FHOD3: variants seen among roughly 807,000 people sequenced by gnomAD.
FHOD3 encodes formin homology 2 domain containing 3, also known as FH1/FH2 domain-containing protein 3.
Under a neutral mutation model 173.0 loss-of-function variants are expected in FHOD3, and 90 were observed. That is an observed-to-expected ratio of 0.52 (90% CI 0.44 to 0.62). FHOD3 has a LOEUF of 0.62. Ranked by LOEUF, FHOD3 falls within the 20% of genes least tolerant of loss-of-function variation. The pLI, the probability that FHOD3 is intolerant of heterozygous loss-of-function variation, is 0.00. For missense variants in FHOD3, 1,945 were observed against 2,034.7 expected (o/e 0.96, Z 0.85); for synonymous variants, 828 against 823.0 (o/e 1.01, Z -0.10).
chr18:36,325,875 C>T (rs1312435984), intron 1 of FHOD3, among the ~76,000 whole-genome samples: 1 of 152,232 alleles, frequency 6.6e-6, no homozygotes, highest in Non-Finnish European at 1.5e-5. Context: ...ACCCAGTGGG[C>T]AGTGCAGAAG....
intron 3 of FHOD3, among the ~76,000 whole-genome samples, chr18:36,417,470 T>A (rs2049726902): frequency 6.6e-6 from 1 of 152,232 alleles, no homozygotes; most frequent in Non-Finnish European, 1.5e-5. Context: ...AGTCTATCAT[T>A]CATGGGCATT....
intron 9 of FHOD3, among the ~76,000 whole-genome samples, chr18:36,624,247 G>A (rs1234209103): frequency 6.6e-6 from 1 of 152,166 alleles, no homozygotes; most frequent in Non-Finnish European, 1.5e-5. Flanking sequence ...CTTTACACAA[G>A]TTACCTTTAC....
At chr18:36,767,320 CTG>C (rs1201223993) in intron 27 of FHOD3, among the ~76,000 whole-genome samples, 3 of 151,062 alleles carry the variant, frequency 2.0e-5, no homozygotes, top group African/African-American at 4.9e-5. Context: ...AAAAAAAAAA[CTG>C]TATCAGTAAT....
Position 36,730,503 on chromosome 18 carries a change from T to C in FHOD3, c.3418-143T>C, listed in dbSNP as rs549127225. 2.5e-3 allele frequency: 1,852 copies of C among 747,802 alleles called. 7 individuals carry two copies. Among genetic ancestry groups the C allele is most frequent in the Middle Eastern group, 7.4e-3 (21 of 2,834 alleles). 46.3% of individuals were successfully genotyped at this position (747,802 alleles called of 1,614,324 possible). A position where few individuals can be genotyped will look rare whatever the true frequency, so the allele number is the denominator to read the frequency against. On this transcript the variant is annotated intron_variant, in intron 19 of 28. Coordinates refer to ENST00000590592, the MANE Select transcript of FHOD3 (RefSeq NM_001281740.3). ...AACTAATCCCTGATACTTTCTGTGCTGAACAGTAGCCAGTCCTTCTCTGAG... is the reference window on the plus strand; with the variant it reads ...AACTAATCCCTGATACTTTCTGTGCCGAACAGTAGCCAGTCCTTCTCTGAG...
intron 9 of FHOD3, among the ~76,000 whole-genome samples, chr18:36,621,151 A>C (rs1283679165): frequency 3.9e-5 from 6 of 152,220 alleles, no homozygotes; most frequent in African/African-American, 1.4e-4. Flanking sequence ...AGAAAAGAAA[A>C]TATTTTGTCA....
intron 4 of FHOD3, among the ~76,000 whole-genome samples, chr18:36,505,821 T>A (rs2055270540): frequency 6.6e-6 from 1 of 152,208 alleles, no homozygotes; most frequent in African/African-American, 2.4e-5. Flanking sequence ...AGACAGCTCC[T>A]ATGGGAAATA....
chr18:36,655,542 A>C lies in FHOD3; in HGVS notation c.1721+2126A>C, dbSNP rs75923969. ...AAGGTTGACTTTGATTTAACTGAGC[A>C]AAGTTTGTAAACTTTTAAAATCACT... On this transcript the variant is annotated intron_variant, in intron 13 of 28. Coordinates refer to ENST00000590592, the MANE Select transcript of FHOD3 (RefSeq NM_001281740.3). Among the ~76,000 whole-genome samples, 79 of 152,354 alleles carry C rather than the reference A, an allele frequency of 5.2e-4. No individual in the cohort carries two copies. The East Asian group carries it at 0.014, about 26-fold the overall frequency.
intron 3 of FHOD3, among the ~76,000 whole-genome samples, chr18:36,406,936 G>A (rs1426051226): frequency 6.6e-6 from 1 of 152,210 alleles, no homozygotes. Flanking sequence ...TTGACCAGGT[G>A]CACCTGCTTC....
At chr18:36,553,484 C>T (rs1045033611) in intron 5 of FHOD3, among the ~76,000 whole-genome samples, 11 of 152,092 alleles carry the variant, frequency 7.2e-5, no homozygotes, top group African/African-American at 2.4e-4. Context: ...TTGATTATTG[C>T]CTCAATTTCA....
chr18:36,669,495 G>A (rs1484807588), intron 14 of FHOD3, among the ~76,000 whole-genome samples: 4 of 151,406 alleles, frequency 2.6e-5, no homozygotes, highest in Admixed American at 1.3e-4. Context: ...TTCCTTTTGG[G>A]GGGTTGCATA....
At chr18:36,669,390 T>A (rs2037388991) in intron 14 of FHOD3, among the ~76,000 whole-genome samples, 1 of 151,976 alleles carries the variant, frequency 6.6e-6, no homozygotes, top group South Asian at 2.1e-4. Flanking sequence ...AGTCTGATAA[T>A]CTCTACCTTT....
intron 3 of FHOD3, 80 bp downstream of exon 3, chr18:36,372,824 T>C (rs1029677615): frequency 1.6e-6 from 2 of 1,248,226 alleles, no homozygotes; most frequent in Non-Finnish European, 2.3e-6. Context: ...TTCACTGTTA[T>C]GCTGTCTGTT....
chr18:36,651,597 A>G (rs1160189144), intron 11 of FHOD3, among the ~76,000 whole-genome samples: 1 of 152,156 alleles, frequency 6.6e-6, no homozygotes, highest in Non-Finnish European at 1.5e-5. Context: ...TACTAAAAAT[A>G]CAAAATTAGC....
At chr18:36,460,074 T>G (rs1267361423) in intron 3 of FHOD3, among the ~76,000 whole-genome samples, 2 of 152,242 alleles carry the variant, frequency 1.3e-5, no homozygotes, top group Non-Finnish European at 2.9e-5. Flanking sequence ...AATGGGGTTA[T>G]ATGCTTTCTA....
chr18:36,325,202 T>G (rs1015335270), intron 1 of FHOD3, among the ~76,000 whole-genome samples: 1 of 151,642 alleles, frequency 6.6e-6, no homozygotes, highest in African/African-American at 2.4e-5. Flanking sequence ...GTGGTGGGGG[T>G]CTCTGGGTGC....
chr18:36,385,532 G>C (rs1420896070), intron 3 of FHOD3, among the ~76,000 whole-genome samples: 1 of 152,018 alleles, frequency 6.6e-6, no homozygotes, highest in African/African-American at 2.4e-5. Context: ...GAGTGGCTGG[G>C]ATTATAGGCG....
intron 3 of FHOD3, among the ~76,000 whole-genome samples, chr18:36,391,011 G>A (rs2048277626): frequency 6.6e-6 from 1 of 152,234 alleles, no homozygotes. Context: ...ACCAGAAAGT[G>A]ATCGTTGTCT....
At chr18:36,774,893 T>C (rs989870890) in intron 28 of FHOD3, among the ~76,000 whole-genome samples, 6 of 152,208 alleles carry the variant, frequency 3.9e-5, no homozygotes, top group African/African-American at 1.4e-4. Context: ...GGACACTTTG[T>C]GACCTTGGTA....
intron 1 of FHOD3, among the ~76,000 whole-genome samples, chr18:36,324,812 C>T (rs1462749278): frequency 1.3e-5 from 2 of 152,186 alleles, no homozygotes; most frequent in Admixed American, 1.3e-4. Flanking sequence ...TGGTCTGTGA[C>T]CTAGCAATTC....
Sources: allele counts gnomAD v4.1 joint callset (sites outside exome capture counted in the v4.1 genomes callset), GRCh38; gene constraint gnomAD v4.1.1; transcripts MANE v1.5; gene names NCBI Gene and HGNC (gene_info 2026-07-23, HGNC 2026-07-21).